CD300LG: variants seen among roughly 807,000 people sequenced by gnomAD.
CD300LG encodes the protein CMRF35-like molecule 9.
Under a neutral mutation model 31.5 loss-of-function variants are expected in CD300LG, and 29 were observed. The observed-to-expected ratio is 0.92, with a 90% CI of 0.68 to 1.25. The LOEUF is 1.25. Ranked by LOEUF, CD300LG falls within the 50% of genes most tolerant of loss-of-function variation. CD300LG has a pLI of 0.00. For synonymous variants in CD300LG, 175 were observed against 177.2 expected (o/e 0.99, Z 0.10); for missense variants, 396 against 417.6 (o/e 0.95, Z 0.45).
At chr17:43,851,580 G>C (rs1371958933) in intron 2 of CD300LG, among the ~76,000 whole-genome samples, 1 of 151,792 alleles carries the variant, frequency 6.6e-6, no homozygotes, top group African/African-American at 2.4e-5. Flanking sequence ...GACCGGAGTA[G>C]CTCCTGGGGA....
chr17:43,853,406 A>G (rs979919032), intron 3 of CD300LG, among the ~76,000 whole-genome samples: 2 of 152,092 alleles, frequency 1.3e-5, no homozygotes, highest in African/African-American at 2.4e-5. Flanking sequence ...GGGAGGGGGC[A>G]CATGGTGGTG....
chr17:43,848,738 T>C lies in CD300LG; in HGVS notation c.224T>C (p.Met75Thr), dbSNP rs753226601. ...IYAEEEGQETMKGRVSIRDSR... is the reference protein window; with the variant it reads ...IYAEEEGQETTKGRVSIRDSR... ...GCAGAAGAAGAAGGCCAGGAGACAA[T>C]GAAGGGCAGGGTGTCCATCCGTGAC... The change falls in exon 2 of 7, where the codon ATG becomes ACG. Residue 75 changes from methionine (M) to threonine (T), a missense_variant. Transcript: ENST00000317310. 7.4e-6 allele frequency: 12 copies of C among 1,613,946 alleles called. No homozygotes were observed. The highest frequency in any genetic ancestry group is 1.1e-5 in the South Asian group (1 of 91,062).
At chr17:43,856,305 G>A (rs1029732528) in intron 5 of CD300LG, among the ~76,000 whole-genome samples, 6 of 152,138 alleles carry the variant, frequency 3.9e-5, no homozygotes, top group Non-Finnish European at 8.8e-5. Context: ...CCCGGCTCCC[G>A]TGCTGGATGG....
At chr17:43,857,951 C>T in intron 6 of CD300LG, 1 of 1,528,928 alleles carries the variant, frequency 6.5e-7, no homozygotes, top group Non-Finnish European at 8.7e-7. Context: ...AAGGCTACTG[C>T]TGCAAGAAGA....
intron 5 of CD300LG, 107 bp downstream of exon 5, chr17:43,855,426 G>C: frequency 3.3e-6 from 2 of 603,726 alleles, no homozygotes; most frequent in Non-Finnish European, 5.4e-6. Context: ...GGGTCTCAGC[G>C]TGTCTGTCTG....
chr17:43,853,659 G>C, intron 3 of CD300LG, 148 bp from the exon 4 acceptor site: 7 of 644,204 alleles, frequency 1.1e-5, no homozygotes. Flanking sequence ...ATCTAGATCT[G>C]TTTGCTTACT....
Position 43,862,042 on chromosome 17 carries a change from C to T in CD300LG, c.*131C>T, listed in dbSNP as rs1319566885. 3.4e-6 allele frequency: 2 copies of T among 582,080 alleles called. No individual in the cohort carries two copies. The highest frequency in any genetic ancestry group is 5.9e-6 in the Non-Finnish European group (2 of 340,680). 36.1% of individuals were successfully genotyped at this position (582,080 alleles called of 1,614,324 possible). A position where few individuals can be genotyped will look rare whatever the true frequency, so the allele number is the denominator to read the frequency against. ...GACTCCAGGGCTCTCCCCACCCTCC[C>T]CAGGCTCTCCTCTTGCATGTTCCAG... On this transcript the variant is annotated 3_prime_UTR_variant, in exon 7 of 7. Coordinates refer to ENST00000317310, the MANE Select transcript of CD300LG (RefSeq NM_145273.4).
rs1463310180 is a variant in CD300LG, at chr17:43,853,839, G to A, written c.514G>A (p.Ala172Thr). ...SPGLYPAATT[A>T]KQGKTGAEAP... ...TGGGCTCTACCCGGCAGCCACCACAGCCAAGCAGGGGAAGACAGGGGCTGA... is the reference window on the plus strand; with the variant it reads ...TGGGCTCTACCCGGCAGCCACCACAACCAAGCAGGGGAAGACAGGGGCTGA... The change falls in exon 4 of 7, where the codon GCC becomes ACC. Residue 172 changes from alanine to threonine, a missense_variant. By Grantham distance (58) the Ala-to-Thr change is moderately conservative. Coordinates refer to ENST00000317310, the MANE Select transcript of CD300LG (RefSeq NM_145273.4). 1 of 1,614,088 alleles carries A rather than the reference G, an allele frequency of 6.2e-7. No homozygotes were observed. The highest frequency in any genetic ancestry group is 1.3e-5 in the African/African-American group (1 of 75,022).
intron 6 of CD300LG, chr17:43,861,095 T>A (rs1461676487): frequency 1.0e-6 from 1 of 985,228 alleles, no homozygotes; most frequent in Non-Finnish European, 1.2e-6. Flanking sequence ...CCATCCCTGC[T>A]GCCAAGAACA....
chr17:43,852,870 G>C, intron 2 of CD300LG, 42 bp from the exon 3 acceptor site: 1 of 1,502,486 alleles, frequency 6.7e-7, no homozygotes, highest in Non-Finnish European at 9.2e-7. Flanking sequence ...AAGGGGTTCA[G>C]AGCGGTGCCA....
chr17:43,853,063 G>A, intron 3 of CD300LG, 50 bp downstream of exon 3: 6 of 1,502,786 alleles, frequency 4.0e-6, no homozygotes, highest in Non-Finnish European at 5.5e-6. Flanking sequence ...TCTTACAGAA[G>A]CAGCCAGTGA....
At chr17:43,859,837 C>T (rs2143412286) in intron 6 of CD300LG, among the ~76,000 whole-genome samples, 1 of 152,336 alleles carries the variant, frequency 6.6e-6, no homozygotes, top group Middle Eastern at 3.4e-3. Flanking sequence ...TAATTCCTAC[C>T]TTGTCCCCAG....
chr17:43,847,307 G>A (rs901728545), intron 1 of CD300LG, 48 bp downstream of exon 1: 1 of 1,605,528 alleles, frequency 6.2e-7, no homozygotes, highest in Admixed American at 1.7e-5. Context: ...TCACCCTTGT[G>A]GTCTGCAGGG....
chr17:43,851,599 C>T (rs1053441625), intron 2 of CD300LG, among the ~76,000 whole-genome samples: 1 of 149,128 alleles, frequency 6.7e-6, no homozygotes, highest in African/African-American at 2.5e-5. Context: ...GAGTTGGTTG[C>T]ATCAGGCTTC....
intron 6 of CD300LG, chr17:43,857,984 A>C (rs1567855537): frequency 6.0e-6 from 9 of 1,500,822 alleles, no homozygotes; most frequent in Middle Eastern, 2.4e-4. Context: ...CGAGGCCAGC[A>C]CTCCAACGGA....
Position 43,847,227 on chromosome 17 carries a change from T to C in CD300LG, c.11T>C (p.Leu4Pro). 1 of 1,613,944 alleles carries C rather than the reference T, an allele frequency of 6.2e-7. No individual in the cohort carries two copies. The highest frequency in any genetic ancestry group is 1.1e-5 in the South Asian group (1 of 91,078). MRL[L>P]VLLWGCLLLP... ...TGTCCAGCGCCCAGAATGCGGCTTCTGGTCCTGCTATGGGGTTGCCTGCTG... is the reference window on the plus strand; with the variant it reads ...TGTCCAGCGCCCAGAATGCGGCTTCCGGTCCTGCTATGGGGTTGCCTGCTG... Residue 4 changes from leucine (L) to proline (P), a missense_variant, in exon 1 of 7, where the codon CTG (leucine) becomes CCG (proline). Coordinates refer to ENST00000317310, the MANE Select transcript of CD300LG (RefSeq NM_145273.4).
In CD300LG at chr17:43,847,359, C is replaced by T. The variant is rs1381014823; in HGVS notation, c.43+100C>T. On this transcript the variant is annotated intron_variant, in intron 1 of 6. Coordinates refer to ENST00000317310, the MANE Select transcript of CD300LG (RefSeq NM_145273.4). ...GACTGATAGCCCCACCCCACCTATCCTCAGCCTCCTCAGCCCTAGGGGAGC... is the reference window on the plus strand; with the variant it reads ...GACTGATAGCCCCACCCCACCTATCTTCAGCCTCCTCAGCCCTAGGGGAGC... 6 of 1,263,858 alleles carry T rather than the reference C, an allele frequency of 4.7e-6. No individual in the cohort carries two copies. In the East Asian group the frequency reaches 1.0e-4, roughly 22 times the overall value. 78.3% of individuals were successfully genotyped at this position (1,263,858 alleles called of 1,614,324 possible). A position where few individuals can be genotyped will look rare whatever the true frequency, so the allele number is the denominator to read the frequency against.
At chr17:43,849,408 C>T in intron 2 of CD300LG, 1 of 168,658 alleles carries the variant, frequency 5.9e-6, no homozygotes, top group Non-Finnish European at 1.3e-5. Flanking sequence ...AGTCCAGCCA[C>T]AGGTGCTAGA....
At position 43,863,263 on chromosome 17, in the gene CD300LG, C is replaced by T. The variant is rs1490703026; in HGVS notation, c.*1352C>T. 6.6e-6 allele frequency: 1 copy of T among 152,188 alleles called. No individual in the cohort carries two copies. The allele number at this position is 152,188 out of a possible 1,614,324, so 9.4% of individuals were successfully genotyped here. On this transcript the variant is annotated 3_prime_UTR_variant, in exon 7 of 7. Coordinates refer to ENST00000317310, the MANE Select transcript of CD300LG (RefSeq NM_145273.4). ...TGAACTCCTGACCTCAAATGAGCCT[C>T]CTGCTTCAGTCTCCCAAATTGCCGG...
Sources: gnomAD v4.1 joint callset for allele counts (sites outside exome capture counted in the v4.1 genomes callset) on GRCh38, gnomAD v4.1.1 for gene constraint, MANE v1.5 for transcripts, NCBI Gene and HGNC (gene_info 2026-07-23, HGNC 2026-07-21) for gene names.